Variants in ITGA2B observed in about 807,000 individuals in gnomAD.
ITGA2B encodes integrin subunit alpha 2b.
Under a neutral mutation model 142.0 loss-of-function variants are expected in ITGA2B, and 91 were observed. The ratio of observed to expected loss-of-function variants is 0.64; its 90% confidence interval spans 0.54 to 0.76. The LOEUF (loss-of-function observed/expected upper bound fraction) is 0.76. Among genes scored for constraint, ITGA2B ranks in the 30% least tolerant of loss-of-function variants. The pLI, the probability that ITGA2B is intolerant of heterozygous loss-of-function variation, is 0.00. For missense variants in ITGA2B, 1,231 were observed against 1,350.8 expected, an observed-to-expected ratio of 0.91 and a Z score of 1.39; for synonymous variants, 536 against 567.2, an observed-to-expected ratio of 0.94 and a Z score of 0.78.
chr17:44,376,095 T>A lies in ITGA2B; in HGVS notation c.2438A>T (p.His813Leu), dbSNP rs774617387. 50 of 1,613,952 alleles carry A rather than the reference T, an allele frequency of 3.1e-5. No homozygotes were observed. The highest frequency in any genetic ancestry group is 4.2e-5 in the Non-Finnish European group (50 of 1,179,998). Residue 813 changes from histidine to leucine, a missense_variant, in exon 24 of 30, where the codon CAC becomes CTC. Transcript: ENST00000262407. ...GAGGCTCCCCAATACCTCATAGGTG[T>A]GCTCCACTTTGGGTCCCCAGCTGTC... ...SLDSWGPKVE[H>L]TYELHNNGPG...
chr17:44,380,747 C>T (rs771571555), intron 13 of ITGA2B, 102 bp from the exon 14 acceptor site: 8 of 1,588,100 alleles, frequency 5.0e-6, no homozygotes, highest in Non-Finnish European at 6.9e-6. Context: ...CTGGAGGTTT[C>T]ACCCAGCCCC....
chr17:44,389,525 C>G lies in ITGA2B; in HGVS notation c.-52G>C. 1 of 1,583,770 alleles carries G rather than the reference C, an allele frequency of 6.3e-7. No individual in the cohort carries two copies. Among genetic ancestry groups the G allele is most frequent in the Admixed American group, 1.7e-5 (1 of 58,950 alleles). On this transcript the variant is annotated 5_prime_UTR_variant, in exon 1 of 30. Coordinates refer to ENST00000262407, the MANE Select transcript of ITGA2B (RefSeq NM_000419.5). ...AGGAATGGGCCAGCTCCTCCTCCTTCCCTTCAGATTCCTCCACAGGAAGTC... is the reference window on the plus strand; with the variant it reads ...AGGAATGGGCCAGCTCCTCCTCCTTGCCTTCAGATTCCTCCACAGGAAGTC...
chr17:44,387,813 C>G (rs1275187748), intron 1 of ITGA2B, among the ~76,000 whole-genome samples: 15 of 98,576 alleles, frequency 1.5e-4, no homozygotes, highest in Admixed American at 6.3e-4. Context: ...GCAACAAGAG[C>G]GAAACCCCAT....
At chr17:44,379,884 C>T in intron 17 of ITGA2B, 70 bp from the exon 18 acceptor site, 1 of 1,612,636 alleles carries the variant, frequency 6.2e-7, no homozygotes, top group African/African-American at 1.3e-5. Flanking sequence ...CCAGTAGGCA[C>T]CGTGTCCTGA....
chr17:44,383,657 G>T lies in ITGA2B; in HGVS notation c.1046C>A (p.Ala349Glu). ...CCCCACTTCGGCCAGTTTTCGGTCTGCCCGGCTCTCCATATACAGTGGAGC... is the reference window on the plus strand; with the variant it reads ...CCCCACTTCGGCCAGTTTTCGGTCTTCCCGGCTCTCCATATACAGTGGAGC... ...VGAPLYMESR[A>E]DRKLAEVGRV... Residue 349 changes from alanine (A) to glutamate (E), a missense_variant, in exon 12 of 30, where the codon GCA (alanine) becomes GAA (glutamate). Coordinates refer to ENST00000262407, the MANE Select transcript of ITGA2B (RefSeq NM_000419.5). 1 of 1,595,896 alleles carries T rather than the reference G, an allele frequency of 6.3e-7. No individual in the cohort carries two copies. The highest frequency in any genetic ancestry group is 8.5e-7 in the Non-Finnish European group (1 of 1,171,246).
chr17:44,386,880 C>T (rs552042628), intron 1 of ITGA2B, among the ~76,000 whole-genome samples: 1 of 152,352 alleles, frequency 6.6e-6, no homozygotes, highest in East Asian at 1.9e-4. Context: ...TAGCCTTGAT[C>T]TCCAGGGCTC....
rs1239852971 is a variant in ITGA2B, at chr17:44,385,188, C to A, written c.646G>T (p.Ala216Ser). 1 of 1,614,036 alleles carries A rather than the reference C, an allele frequency of 6.2e-7. No homozygotes were observed. Among genetic ancestry groups the A allele is most frequent in the Non-Finnish European group, 8.5e-7 (1 of 1,180,004 alleles). Residue 216 changes from alanine (A) to serine (S), a missense_variant, in exon 6 of 30, where the codon GCT becomes TCT. Transcript: ENST00000262407. ...VTQAGELVLG[A>S]PGGYYFLGLL... ...CCTAAGAAATAATAGCCGCCAGGAG[C>A]CCCAAGCACCAGCTCTCCGGCCTGG...
chr17:44,375,892 C>T lies in ITGA2B; in HGVS notation c.2542G>A (p.Asp848Asn). ...SQPSDLLYIL[D>N]IQPQGGLQCF... is the part of the protein sequence containing the mutation. The stretch of plus-strand genomic sequence containing the variant: ...TGAAGGCCCCCCTGGGGCTGTATAT[C>T]CAGGATGTAGAGCAGGTCGGAGGGC... The change falls in exon 25 of 30, where the codon GAT becomes AAT. Residue 848 changes from aspartate (D) to asparagine (N), a missense_variant. This residue lies in a region of ITGA2B where 908 missense variants were observed against 1,021.1 expected (regional missense o/e 0.89). Coordinates refer to ENST00000262407, the MANE Select transcript of ITGA2B (RefSeq NM_000419.5). 3 of 1,610,424 alleles carry T rather than the reference C, an allele frequency of 1.9e-6. No homozygotes were observed. The highest frequency in any genetic ancestry group is 2.5e-6 in the Non-Finnish European group (3 of 1,178,626).
intron 12 of ITGA2B, 112 bp from the exon 13 acceptor site, chr17:44,381,173 C>T: frequency 9.3e-7 from 1 of 1,078,982 alleles, no homozygotes; most frequent in Non-Finnish European, 1.3e-6. Context: ...GAAAGGGGTG[C>T]AAAGTGTGGG....
intron 2 of ITGA2B, 44 bp from the exon 3 acceptor site, chr17:44,385,965 C>G (rs1265691149): frequency 1.9e-6 from 3 of 1,614,164 alleles, no homozygotes; most frequent in Non-Finnish European, 8.5e-7. Flanking sequence ...CCCGGCAGTC[C>G]ACGTCCCTCT....
At chr17:44,375,139 C>A in intron 26 of ITGA2B, 28 bp from the exon 27 acceptor site, 1 of 1,523,556 alleles carries the variant, frequency 6.6e-7, no homozygotes, top group Non-Finnish European at 8.9e-7. Context: ...CAGTCCCCAG[C>A]CCGTCCCGGC....
rs1197386567 is a variant in ITGA2B, at chr17:44,375,105, C to T, written c.2734G>A (p.Asp912Asn). The change falls in exon 27 of 30, where the codon GAC becomes AAC. Residue 912 changes from aspartate to asparagine, a missense_variant. Asp to Asn is a conservative substitution (Grantham distance 23). Transcript: ENST00000262407. The part of the protein sequence containing the change: ...RLQDPVLVSC[D>N]SAPCTVVQCD... ...TGCACCACAGTACAGGGCGCCGAGT[C>T]GCAGCTCTGAGGGGAAGCATCGTCA... The T allele has an allele frequency of 5.2e-6, 8 of 1,549,004 alleles. No individual in the cohort carries two copies. The African/African-American group carries it at 1.1e-4, about 21-fold the overall frequency.
chr17:44,380,118 G>T lies in ITGA2B; in HGVS notation c.1636C>A (p.Pro546Thr), dbSNP rs777249501. The change falls in exon 17 of 30, where the codon CCC becomes ACC. Residue 546 changes from proline (P) to threonine (T), a missense_variant. Pro to Thr is a conservative substitution (Grantham distance 38). Around this residue, in one of 3 missense-constraint regions of ITGA2B, gnomAD observed 908 missense variants for 1,021.1 expected, o/e 0.89. Coordinates refer to ENST00000262407, the MANE Select transcript of ITGA2B (RefSeq NM_000419.5). The part of the protein sequence containing the change: ...NAELQLDRQK[P>T]RQGRRVLLLG... ...AGCAGCACCCGCCGGCCCTGGCGGG[G>T]CTTCTGCCGGTCCAGCTGCAGCTCG... 1 of 1,613,776 alleles carries T rather than the reference G, an allele frequency of 6.2e-7. No homozygotes were observed. The highest frequency in any genetic ancestry group is 1.7e-5 in the Admixed American group (1 of 60,000).
In ITGA2B at chr17:44,375,055, G is replaced by A. The variant is rs1188050517; in HGVS notation, c.2784C>T (p.Arg928=). Residue 928 remains arginine, a synonymous_variant, in exon 27 of 30, where the codon CGC becomes CGT. Transcript: ENST00000262407. ...VVQCDLQEMA[R]GQRAMVTVLA... ...GCACCGTGACCATGGCCCGCTGCCC[G>A]CGCGCCATCTCCTGCAGGTCACACT... is the stretch of plus-strand genomic sequence containing the variant. 2 of 1,492,324 alleles carry A rather than the reference G, an allele frequency of 1.3e-6. No homozygotes were observed. The highest frequency in any genetic ancestry group is 1.8e-6 in the Non-Finnish European group (2 of 1,113,892). The allele number at this position is 1,492,324 out of a possible 1,614,324, so 92.4% of individuals were successfully genotyped here.
chr17:44,380,243 C>A lies in ITGA2B; in HGVS notation c.1600+3G>T. The stretch of plus-strand genomic sequence containing the variant: ...TCCCTCCTGCCCCCTTCATGCCACT[C>A]ACATAGCTTCTGAGGAATGTTGTGC... On this transcript the variant is annotated splice_donor_region_variant and intron_variant, in intron 16 of 29. Transcript: ENST00000262407. 1 of 1,614,202 alleles carries A rather than the reference C, an allele frequency of 6.2e-7. No homozygotes were observed. The highest frequency in any genetic ancestry group is 1.1e-5 in the South Asian group (1 of 91,082).
rs751466639 is a variant in ITGA2B at position 44,385,146 on chromosome 17, G to A, written c.670+18C>T. On this transcript the variant is annotated intron_variant, in intron 6 of 29. Coordinates refer to ENST00000262407, the MANE Select transcript of ITGA2B (RefSeq NM_000419.5). ...TTGGGCCGCGAGAAGGGAGGGAGGT[G>A]TACGGATGGGCACGTACCTAAGAAA... 1 of 1,614,132 alleles carries A rather than the reference G, an allele frequency of 6.2e-7. No homozygotes were observed. Among genetic ancestry groups the A allele is most frequent in the Non-Finnish European group, 8.5e-7 (1 of 1,180,036 alleles).
rs1392243083 is a variant in ITGA2B at position 44,380,989 on chromosome 17, T to C, written c.1283A>G (p.Glu428Gly). Residue 428 changes from glutamate to glycine, a missense_variant, in exon 13 of 30, where the codon GAG (glutamate) becomes GGG (glycine). Glu to Gly is a moderately conservative substitution (Grantham distance 98). Coordinates refer to ENST00000262407, the MANE Select transcript of ITGA2B (RefSeq NM_000419.5). The stretch of plus-strand genomic sequence containing the variant: ...CTGGGAGGGACGTGACCTCAGCCCC[T>C]CACTCTGACCCAGGAACACCAGCAC... ...GQVLVFLGQS[E>G]GLRSRPSQVL... 1 of 1,613,492 alleles carries C rather than the reference T, an allele frequency of 6.2e-7. No individual in the cohort carries two copies. The highest frequency in any genetic ancestry group is 8.5e-7 in the Non-Finnish European group (1 of 1,179,678).
intron 27 of ITGA2B, 76 bp downstream of exon 27, chr17:44,374,922 C>A: frequency 7.3e-7 from 1 of 1,377,022 alleles, no homozygotes; most frequent in Non-Finnish European, 1.0e-6. Context: ...CCCTCCCACA[C>A]CAAACCCCGC....
Position 44,378,350 on chromosome 17 carries a change from T to TGG in ITGA2B, c.2094+10_2094+11dup. On this transcript the variant is annotated intron_variant, in intron 20 of 29. Transcript: ENST00000262407. ...CAGGTCCCGGGTACTGTTCCCAGGGTGGGGGCCATACCTCGACATTGCTTA... is the reference window on the plus strand; with the variant it reads ...CAGGTCCCGGGTACTGTTCCCAGGGTGGGGGGGCCATACCTCGACATTGCTTA... The TGG allele has an allele frequency of 6.2e-7, 1 of 1,607,150 alleles. No individual in the cohort carries two copies. The highest frequency in any genetic ancestry group is 8.5e-7 in the Non-Finnish European group (1 of 1,176,672).
Sources: gnomAD v4.1 joint callset for allele counts (sites outside exome capture counted in the v4.1 genomes callset) on GRCh38, gnomAD v4.1.1 for gene constraint, gnomAD v4.1.1 regional missense constraint, MANE v1.5 for transcripts, NCBI Gene and HGNC (gene_info 2026-07-23, HGNC 2026-07-21) for gene names.